Variants in OLFM2 observed in about 807,000 individuals in gnomAD.
OLFM2 encodes the protein olfactomedin 2.
In OLFM2, 20 loss-of-function variants were observed where a neutral mutation model predicts 43.9. The ratio of observed to expected loss-of-function variants is 0.46; its 90% confidence interval spans 0.32 to 0.66. The LOEUF (loss-of-function observed/expected upper bound fraction) is 0.66. Ranked by LOEUF, OLFM2 falls within the 30% of genes least tolerant of loss-of-function variation. The pLI, the probability that OLFM2 is intolerant of heterozygous loss-of-function variation, is 0.04. For synonymous variants in OLFM2, 268 were observed against 278.6 expected, an observed-to-expected ratio of 0.96 and a Z score of 0.38; for missense variants, 416 against 643.6, an observed-to-expected ratio of 0.65 and a Z score of 3.83.
intron 1 of OLFM2, among the ~76,000 whole-genome samples, chr19:9,901,130 A>C (rs2144977515): frequency 6.7e-6 from 1 of 149,512 alleles, no homozygotes; most frequent in African/African-American, 2.5e-5. Flanking sequence ...AGAAAGAAAA[A>C]GGAAGGAAAG....
Position 9,856,056 on chromosome 19 carries a change from A to G in OLFM2, c.687+751T>C, listed in dbSNP as rs989252560. Among the ~76,000 whole-genome samples the G allele has an allele frequency of 2.6e-5, 4 of 152,092 alleles. No individual in the cohort carries two copies. Among genetic ancestry groups the G allele is most frequent in the African/African-American group, 9.7e-5 (4 of 41,406 alleles). On this transcript the variant is annotated intron_variant, in intron 5 of 5. Coordinates refer to ENST00000264833, the MANE Select transcript of OLFM2 (RefSeq NM_058164.4). The surrounding 1 kb of genome is among the most constrained non-coding windows in gnomAD (Gnocchi z 4.0). The stretch of plus-strand genomic sequence containing the variant: ...CATGAGGTGACCAGGCGTGTCATCA[A>G]CATCATTGTTGTCATCATGTTAACT...
chr19:9,865,490 T>TTC (rs1441504964), intron 1 of OLFM2, among the ~76,000 whole-genome samples: 14 of 128,300 alleles, frequency 1.1e-4, no homozygotes, highest in East Asian at 8.7e-4. Context: ...TTTTTCTTTT[T>TTC]TTTTTTTTTT....
At chr19:9,913,716 G>A (rs1244827840) in intron 1 of OLFM2, 1 of 1,063,484 alleles carries the variant, frequency 9.4e-7, no homozygotes, top group South Asian at 3.9e-5. Flanking sequence ...CCCCGGGGGG[G>A]CGTGGGGGAG....
In OLFM2 at chr19:9,857,295, T is replaced by TC; in HGVS notation, c.547dup (p.Glu183GlyfsTer21). On this transcript the variant is annotated frameshift_variant, in exon 4 of 6. Transcript: ENST00000264833. LOFTEE classifies it high-confidence loss of function. This position sits in a 1 kb window ranked among gnomAD's most constrained non-coding sequence, Gnocchi z 5.7. ...CTGGGCGCAGGCGTGGAGCCGGGCC[T>TC]CCAGGGCCATCACCCGTTGCTGCAG... 6.2e-7 allele frequency: 1 copy of TC among 1,614,096 alleles called. No individual in the cohort carries two copies. The highest frequency in any genetic ancestry group is 8.5e-7 in the Non-Finnish European group (1 of 1,180,014).
At chr19:9,929,834 G>A (rs541721480) in intron 1 of OLFM2, among the ~76,000 whole-genome samples, 2 of 152,156 alleles carry the variant, frequency 1.3e-5, no homozygotes, top group African/African-American at 4.8e-5. Context: ...GAGGTCAGGA[G>A]TTCGAGACCA....
At chr19:9,930,278 T>C (rs2086474732) in intron 1 of OLFM2, among the ~76,000 whole-genome samples, 1 of 152,172 alleles carries the variant, frequency 6.6e-6, no homozygotes, top group Admixed American at 6.5e-5. Context: ...TATTTAAAAA[T>C]TTGTTTTTAT....
At chr19:9,907,942 T>C (rs1302628136) in intron 1 of OLFM2, among the ~76,000 whole-genome samples, 1 of 151,068 alleles carries the variant, frequency 6.6e-6, no homozygotes, top group East Asian at 1.9e-4. Flanking sequence ...GAGGCAGAGG[T>C]TGCAGTAAGC....
At chr19:9,907,153 C>T (rs1464297531) in intron 1 of OLFM2, among the ~76,000 whole-genome samples, 1 of 152,180 alleles carries the variant, frequency 6.6e-6, no homozygotes, top group East Asian at 1.9e-4. Context: ...CTCTTTGGGG[C>T]CCTCAAGAGA....
chr19:9,894,157 G>A (rs998194079), intron 1 of OLFM2, among the ~76,000 whole-genome samples: 3 of 152,026 alleles, frequency 2.0e-5, no homozygotes, highest in Non-Finnish European at 2.9e-5. Flanking sequence ...GCCGGCCGTG[G>A]TGGCGCACGC....
chr19:9,917,166 C>G (rs1283161484), intron 1 of OLFM2, among the ~76,000 whole-genome samples: 2 of 152,054 alleles, frequency 1.3e-5, no homozygotes, highest in Non-Finnish European at 2.9e-5. Flanking sequence ...ATGGCTTGTT[C>G]CTTTACTTAA....
intron 1 of OLFM2, among the ~76,000 whole-genome samples, chr19:9,875,379 A>C (rs1232751221): frequency 6.6e-6 from 1 of 152,164 alleles, no homozygotes; most frequent in African/African-American, 2.4e-5. Flanking sequence ...AGGGTTCTGG[A>C]ATGATCCACA....
intron 1 of OLFM2, among the ~76,000 whole-genome samples, chr19:9,896,554 C>T (rs866662688): frequency 5.9e-5 from 9 of 152,194 alleles, no homozygotes; most frequent in Non-Finnish European, 8.8e-5. Flanking sequence ...GAGCCACCAC[C>T]TCACCTGGCC....
At chr19:9,913,973 G>A (rs189640532) in intron 1 of OLFM2, 57,737 of 107,198 alleles carry the variant, frequency 0.54, 12,121 homozygotes, top group Admixed American at 0.63. Flanking sequence ...GCCCTCGCCC[G>A]CCCCCCGCCG....
At chr19:9,935,022 T>C (rs2086507098) in intron 1 of OLFM2, among the ~76,000 whole-genome samples, 1 of 152,178 alleles carries the variant, frequency 6.6e-6, no homozygotes, top group Non-Finnish European at 1.5e-5. Context: ...AGGGTAATCG[T>C]GTGGGCTCAG....
intron 1 of OLFM2, among the ~76,000 whole-genome samples, chr19:9,900,394 G>A (rs1216738763): frequency 2.6e-5 from 4 of 152,134 alleles, no homozygotes; most frequent in African/African-American, 9.7e-5. Flanking sequence ...CACGCAGGAG[G>A]TGTGAGAAAA....
rs1191933284 is a variant in OLFM2, at chr19:9,856,432, A to G, written c.687+375T>C. Among the ~76,000 whole-genome samples the G allele has an allele frequency of 2.0e-5, 3 of 152,224 alleles. No individual in the cohort carries two copies. Among genetic ancestry groups the G allele is most frequent in the Non-Finnish European group, 4.4e-5 (3 of 68,032 alleles). The stretch of plus-strand genomic sequence containing the variant: ...GTTCTTGTGTGTCTAAGTGATGGGC[A>G]GTCATGACCATGGAAGCTACTAGAA... On this transcript the variant is annotated intron_variant, in intron 5 of 5. Coordinates refer to ENST00000264833, the MANE Select transcript of OLFM2 (RefSeq NM_058164.4). The surrounding 1 kb of genome is among the most constrained non-coding windows in gnomAD (Gnocchi z 4.0).
chr19:9,857,993 G>C lies in OLFM2; in HGVS notation c.214-132C>G. ...CGACGAGGCCACCTTCTCCTCCCCTGAGCTTACCAGCAGCCTCCCAATTGC... is the reference window on the plus strand; with the variant it reads ...CGACGAGGCCACCTTCTCCTCCCCTCAGCTTACCAGCAGCCTCCCAATTGC... On this transcript the variant is annotated intron_variant, in intron 2 of 5. Coordinates refer to ENST00000264833, the MANE Select transcript of OLFM2 (RefSeq NM_058164.4). The surrounding 1 kb of genome is among the most constrained non-coding windows in gnomAD (Gnocchi z 5.7). The C allele has an allele frequency of 1.8e-6, 2 of 1,123,604 alleles. No homozygotes were observed. The highest frequency in any genetic ancestry group is 2.6e-6 in the Non-Finnish European group (2 of 761,166). The allele number at this position is 1,123,604 out of a possible 1,614,324, so 69.6% of individuals were successfully genotyped here.
At chr19:9,862,703 G>C (rs118049497) in intron 1 of OLFM2, among the ~76,000 whole-genome samples, 1 of 151,704 alleles carries the variant, frequency 6.6e-6, no homozygotes, top group Non-Finnish European at 1.5e-5. Context: ...GGCCAGACGC[G>C]GTGGCTCACA....
rs536261537 is a variant in OLFM2, at chr19:9,902,696, G to A, written c.63+33608C>T. Among the ~76,000 whole-genome samples the A allele has an allele frequency of 3.2e-4, 49 of 151,466 alleles. 2 individuals are homozygous for A. In the South Asian group the frequency reaches 9.7e-3, roughly 30 times the overall value. Reference sequence around the variant, plus strand: ...CCAGGAGTTCAAGACCAGGTGGGAGGATCACCCAGCCTTTTCTGGTTTCTT... The same window carrying A: ...CCAGGAGTTCAAGACCAGGTGGGAGAATCACCCAGCCTTTTCTGGTTTCTT... On this transcript the variant is annotated intron_variant, in intron 1 of 5. Transcript: ENST00000264833.
Sources: allele counts gnomAD v4.1 joint callset (sites outside exome capture counted in the v4.1 genomes callset), GRCh38; gene constraint gnomAD v4.1.1; non-coding constraint Gnocchi (gnomAD v3.1); transcripts MANE v1.5; gene names NCBI Gene and HGNC (gene_info 2026-07-23, HGNC 2026-07-21).